The following FAM193A variants were observed in gnomAD, a reference collection of about 807,000 sequenced individuals.
FAM193A encodes the protein family with sequence similarity 193 member A, also known as protein FAM193A.
Under a neutral mutation model 126.5 loss-of-function variants are expected in FAM193A, and 22 were observed. The ratio of observed to expected loss-of-function variants is 0.17; its 90% CI spans 0.12 to 0.25. The LOEUF is 0.25. FAM193A is among the 10% of genes least tolerant of loss of function. FAM193A has a pLI of 1.00. For synonymous variants in FAM193A, 761 were observed against 646.8 expected, an observed-to-expected ratio of 1.18 and a Z score of -2.68; for missense variants, 1,675 against 1,672.8, an observed-to-expected ratio of 1.00 and a Z score of -0.02.
rs116551729 is a variant in FAM193A, at chr4:2,703,754, G to A, written c.4372+3210G>A. 1.6e-3 allele frequency among the ~76,000 whole-genome samples: 235 copies of A among 150,720 alleles called. 1 individual carries two copies. Among genetic ancestry groups the A allele is most frequent in the Non-Finnish European group, 2.1e-3 (143 of 67,716 alleles). Reference sequence around the variant, plus strand: ...TGAGGCAGGAGGATTACCTGAGGCCGGGAATTTAAGACCAGCCTGGGCAAT... The same window carrying A: ...TGAGGCAGGAGGATTACCTGAGGCCAGGAATTTAAGACCAGCCTGGGCAAT... On this transcript the variant is annotated intron_variant, in intron 19 of 20. Transcript: ENST00000637812.
intron 1 of FAM193A, among the ~76,000 whole-genome samples, chr4:2,547,892 T>C (rs1258602880): frequency 6.6e-6 from 1 of 151,940 alleles, no homozygotes; most frequent in African/African-American, 2.4e-5. Context: ...CCCAAAGTGC[T>C]GGGGTTGCAG....
intron 13 of FAM193A, among the ~76,000 whole-genome samples, chr4:2,676,862 A>C (rs1714468312): frequency 6.6e-6 from 1 of 151,898 alleles, no homozygotes; most frequent in Non-Finnish European, 1.5e-5. Context: ...AATGGCGTGA[A>C]CCCGGAAGGT....
intron 15 of FAM193A, among the ~76,000 whole-genome samples, chr4:2,693,323 A>AT (rs1228531796): frequency 6.6e-6 from 1 of 150,798 alleles, no homozygotes. Flanking sequence ...CGGCCAAGAA[A>AT]TTTTTTTTAA....
intron 2 of FAM193A, among the ~76,000 whole-genome samples, chr4:2,603,526 G>A (rs1227755802): frequency 1.4e-5 from 2 of 139,374 alleles, no homozygotes; most frequent in Non-Finnish European, 3.1e-5. Flanking sequence ...GTGCGATCTC[G>A]GCTCACTGCA....
chr4:2,731,196 C>CAAAA lies in FAM193A; in HGVS notation c.4455-554_4455-551dup, dbSNP rs546217602. Among the ~76,000 whole-genome samples the CAAAA allele has an allele frequency of 6.0e-4, 52 of 86,868 alleles. 3 individuals carry two copies. The highest frequency in any genetic ancestry group is 2.5e-3 in the African/African-American group (42 of 16,502). 57.0% of individuals were successfully genotyped at this position (86,868 alleles called of 152,430 possible). A position where few individuals can be genotyped will look rare whatever the true frequency, so the allele number is the denominator to read the frequency against. On this transcript the variant is annotated intron_variant, in intron 20 of 20. Transcript: ENST00000637812. ...GGATGACAAGAGCGAAACTCCTTCT[C>CAAAA]AAAAAAAAAAAAAAAAAAAAAAAAA...
At chr4:2,619,091 A>C (rs1024120963) in intron 2 of FAM193A, among the ~76,000 whole-genome samples, 2 of 152,008 alleles carry the variant, frequency 1.3e-5, no homozygotes, top group African/African-American at 4.8e-5. Flanking sequence ...TTAATCTGCC[A>C]AGTGTGTTTA....
chr4:2,676,013 C>G (rs746103681), intron 13 of FAM193A, among the ~76,000 whole-genome samples: 1 of 152,192 alleles, frequency 6.6e-6, no homozygotes, highest in Non-Finnish European at 1.5e-5. Context: ...TGGCTGTACC[C>G]TATTTTGTGT....
intron 19 of FAM193A, chr4:2,715,634 G>T: frequency 2.1e-6 from 1 of 471,986 alleles, no homozygotes; most frequent in South Asian, 3.7e-5. Flanking sequence ...GCTGTGCTCT[G>T]CCTGACTCCA....
At chr4:2,547,398 AAAT>A (rs1457599449) in intron 1 of FAM193A, among the ~76,000 whole-genome samples, 4 of 152,126 alleles carry the variant, frequency 2.6e-5, no homozygotes, top group Non-Finnish European at 4.4e-5. Flanking sequence ...TTGTCTCAAA[AAAT>A]AATAATAACA....
chr4:2,659,702 G>GC, intron 9 of FAM193A, 32 bp downstream of exon 9: 1 of 1,610,956 alleles, frequency 6.2e-7, no homozygotes, highest in Non-Finnish European at 8.5e-7. Context: ...AGCACGACTG[G>GC]CCCATTGGAC....
At chr4:2,565,102 C>T (rs1469157660) in intron 1 of FAM193A, among the ~76,000 whole-genome samples, 2 of 151,742 alleles carry the variant, frequency 1.3e-5, no homozygotes, top group Admixed American at 6.6e-5. Context: ...CACCTGGCTA[C>T]GTGGGTATTT....
chr4:2,640,790 C>A (rs1469690968), intron 6 of FAM193A, among the ~76,000 whole-genome samples: 2 of 151,962 alleles, frequency 1.3e-5, no homozygotes, highest in African/African-American at 4.8e-5. Context: ...CATGGTAAAA[C>A]CCCGTCTCTA....
At chr4:2,566,692 AAAG>A (rs992354309) in intron 1 of FAM193A, among the ~76,000 whole-genome samples, 1 of 152,086 alleles carries the variant, frequency 6.6e-6, no homozygotes, top group African/African-American at 2.4e-5. Flanking sequence ...TGTCTCAAAA[AAAG>A]AAAATGGATG....
At chr4:2,663,064 T>TA in intron 11 of FAM193A, 45 bp from the exon 12 acceptor site, 4 of 1,599,644 alleles carry the variant, frequency 2.5e-6, no homozygotes, top group Non-Finnish European at 3.4e-6. Context: ...TATTTTATAT[T>TA]ACTCTGTTTT....
At chr4:2,652,496 G>A (rs1451614606) in intron 7 of FAM193A, among the ~76,000 whole-genome samples, 1 of 152,150 alleles carries the variant, frequency 6.6e-6, no homozygotes, top group Non-Finnish European at 1.5e-5. Flanking sequence ...GGAGGCCTCG[G>A]GAAACTTACA....
At chr4:2,698,929 A>G (rs995169378) in intron 18 of FAM193A, among the ~76,000 whole-genome samples, 1 of 152,204 alleles carries the variant, frequency 6.6e-6, no homozygotes, top group Non-Finnish European at 1.5e-5. Flanking sequence ...AGGAATTTCT[A>G]GTTCTTTACT....
intron 18 of FAM193A, among the ~76,000 whole-genome samples, chr4:2,698,218 G>A (rs138993069): frequency 1.4e-3 from 213 of 152,362 alleles, no homozygotes; most frequent in African/African-American, 1.8e-3. Flanking sequence ...TGGGGCAGCC[G>A]TTCTGCTGGA....
At chr4:2,610,780 C>G (rs1262922394) in intron 2 of FAM193A, among the ~76,000 whole-genome samples, 1 of 152,096 alleles carries the variant, frequency 6.6e-6, no homozygotes, top group African/African-American at 2.4e-5. Flanking sequence ...TCTTGTCACC[C>G]AGGCTGGAGT....
At position 2,719,568 on chromosome 4, in the gene FAM193A, A is replaced by G. The variant is rs575152872; in HGVS notation, c.4454+3464A>G. On this transcript the variant is annotated intron_variant, in intron 20 of 20. Transcript: ENST00000637812. Reference sequence around the variant, plus strand: ...TGAGATCAGCCTGACCAACATGGAGAAACCCCATCTCTACTAAAAATACAA... The same window carrying G: ...TGAGATCAGCCTGACCAACATGGAGGAACCCCATCTCTACTAAAAATACAA... Among the ~76,000 whole-genome samples the G allele has an allele frequency of 2.6e-5, 4 of 152,086 alleles. No individual in the cohort carries two copies. The East Asian group carries it at 5.8e-4, about 22-fold the overall frequency.
Sources: allele counts gnomAD v4.1 joint callset (sites outside exome capture counted in the v4.1 genomes callset), GRCh38; gene constraint gnomAD v4.1.1; transcripts MANE v1.5; gene names NCBI Gene and HGNC (gene_info 2026-07-23, HGNC 2026-07-21).